The following EPS15 variants were observed in gnomAD, a reference collection of about 807,000 sequenced individuals.
The protein encoded by EPS15 is epidermal growth factor receptor pathway substrate 15, also known as epidermal growth factor receptor substrate 15.
Under a neutral mutation model 113.8 loss-of-function variants are expected in EPS15, and 72 were observed. That is an observed-to-expected ratio of 0.63 (90% CI 0.52 to 0.77). The LOEUF (loss-of-function observed/expected upper bound fraction) is 0.77. EPS15 is among the 30% of genes least tolerant of loss of function. EPS15 has a pLI of 0.00. For missense variants in EPS15, 1,048 were observed against 1,045.8 expected (o/e 1.00, Z -0.03); for synonymous variants, 344 against 363.4 (o/e 0.95, Z 0.61).
Position 51,447,154 on chromosome 1 carries a change from T to C in EPS15, c.652-49A>G. 2.0e-6 allele frequency: 3 copies of C among 1,519,442 alleles called. No individual in the cohort carries two copies. In the Admixed American group the frequency reaches 6.1e-5, roughly 31 times the overall value. The allele number at this position is 1,519,442 out of a possible 1,614,324, so 94.1% of individuals were successfully genotyped here. A position where few individuals can be genotyped will look rare whatever the true frequency, so the allele number is the denominator to read the frequency against. On this transcript the variant is annotated intron_variant, in intron 9 of 24. Coordinates refer to ENST00000371733, the MANE Select transcript of EPS15 (RefSeq NM_001981.3). ...ATTTCTGCCAAAATGAAACAAACTT[T>C]GAAGTGTCACTCTTTCAATCCATTA...
intron 21 of EPS15, among the ~76,000 whole-genome samples, chr1:51,380,765 T>A (rs866970452): frequency 4.0e-5 from 6 of 151,870 alleles, no homozygotes; most frequent in Admixed American, 6.6e-5. Flanking sequence ...AGAAAAAAAA[T>A]GCAAAACACA....
intron 8 of EPS15, chr1:51,458,699 T>G: frequency 3.3e-6 from 1 of 307,180 alleles, no homozygotes; most frequent in South Asian, 2.3e-5. Context: ...ATCCCGCCAC[T>G]GCACTCCAGC....
intron 21 of EPS15, among the ~76,000 whole-genome samples, chr1:51,391,734 A>T (rs1364362203): frequency 1.3e-5 from 2 of 152,178 alleles, no homozygotes; most frequent in Non-Finnish European, 2.9e-5. Context: ...AGTCAATAAG[A>T]TTTCCTGACA....
chr1:51,481,413 A>G (rs990864522), intron 1 of EPS15, 99 bp from the exon 2 acceptor site: 12 of 685,668 alleles, frequency 1.8e-5, no homozygotes, highest in Non-Finnish European at 3.2e-5. Flanking sequence ...AAAGATGAAT[A>G]AGATAAAATA....
At chr1:51,488,869 G>A (rs75168414) in intron 1 of EPS15, among the ~76,000 whole-genome samples, 6,504 of 152,204 alleles carry the variant, frequency 0.043, 210 homozygotes, top group Middle Eastern at 0.11. Flanking sequence ...GTCCAACTCC[G>A]AGGATGTGCA....
At chr1:51,518,496 A>C (rs1644768736) in intron 1 of EPS15, 1 of 152,970 alleles carries the variant, frequency 6.5e-6, no homozygotes, top group African/African-American at 2.4e-5. Flanking sequence ...GGGTGGCAAA[A>C]GGCTGCATTG....
chr1:51,358,995 C>T (rs573252587), intron 24 of EPS15, among the ~76,000 whole-genome samples: 12 of 152,078 alleles, frequency 7.9e-5, no homozygotes, highest in African/African-American at 2.2e-4. Flanking sequence ...TGAGCCACCC[C>T]GTCTGGCCCC....
At chr1:51,400,145 T>TG in intron 19 of EPS15, among the ~76,000 whole-genome samples, 1 of 152,318 alleles carries the variant, frequency 6.6e-6, no homozygotes, top group East Asian at 1.9e-4. Context: ...CAAAACTAAA[T>TG]GGTAAACAAG....
Position 51,355,219 on chromosome 1 carries a change from C to G in EPS15, c.*1481G>C, listed in dbSNP as rs1428028649. On this transcript the variant is annotated 3_prime_UTR_variant, in exon 25 of 25. Transcript: ENST00000371733. ...TGTAATGGAAAGAAAACAAAACAAG[C>G]ACCATTTCAAGAAGAAATGAATTGG... 1 of 219,918 alleles carries G rather than the reference C, an allele frequency of 4.5e-6. No individual in the cohort carries two copies. Among genetic ancestry groups the G allele is most frequent in the Admixed American group, 5.8e-5 (1 of 17,332 alleles). The allele number at this position is 219,918 out of a possible 1,614,324, so 13.6% of individuals were successfully genotyped here.
intron 1 of EPS15, chr1:51,490,321 T>C (rs1298619370): frequency 4.5e-6 from 2 of 443,998 alleles, no homozygotes; most frequent in South Asian, 1.6e-5. Context: ...ATCCCAGCAC[T>C]CTGGGCGGCC....
At chr1:51,382,351 G>A (rs1204805194) in intron 21 of EPS15, 1 of 151,960 alleles carries the variant, frequency 6.6e-6, no homozygotes. Context: ...GAAAGATACA[G>A]GGAAGGTTAG....
chr1:51,446,576 C>A (rs1006104316), intron 10 of EPS15, among the ~76,000 whole-genome samples: 3 of 151,932 alleles, frequency 2.0e-5, no homozygotes, highest in Admixed American at 2.0e-4. Context: ...GCCTCACCCT[C>A]CCGAGTAGCT....
chr1:51,391,668 T>C (rs563014568), intron 21 of EPS15, among the ~76,000 whole-genome samples: 1 of 151,940 alleles, frequency 6.6e-6, no homozygotes, highest in African/African-American at 2.4e-5. Flanking sequence ...TGATGAGATA[T>C]TGTTAGAAAA....
intron 5 of EPS15, among the ~76,000 whole-genome samples, chr1:51,466,859 G>C (rs1570367000): frequency 6.6e-6 from 1 of 151,830 alleles, no homozygotes; most frequent in Non-Finnish European, 1.5e-5. Context: ...GCAAGATTCT[G>C]TCTCTTCAAA....
rs1305496051 is a variant in EPS15 at position 51,451,984 on chromosome 1, C to A, written c.562-3849G>T. ...ACAACCTCCGTCTCCTGGGCTCAAGCCTTCCTCCCACCTCAGTCTCCCAAG... is the reference window on the plus strand; with the variant it reads ...ACAACCTCCGTCTCCTGGGCTCAAGACTTCCTCCCACCTCAGTCTCCCAAG... On this transcript the variant is annotated intron_variant, in intron 8 of 24. Coordinates refer to ENST00000371733, the MANE Select transcript of EPS15 (RefSeq NM_001981.3). Among the ~76,000 whole-genome samples, 178 of 151,976 alleles carry A rather than the reference C, an allele frequency of 1.2e-3. 2 individuals carry two copies. Among genetic ancestry groups the A allele is most frequent in the Non-Finnish European group, 4.4e-5 (3 of 68,002 alleles).
At chr1:51,477,268 T>C (rs958099222) in intron 2 of EPS15, among the ~76,000 whole-genome samples, 12 of 152,210 alleles carry the variant, frequency 7.9e-5, no homozygotes, top group African/African-American at 2.9e-4. Context: ...TCTCTGATGG[T>C]AGTTTGTATT....
At chr1:51,458,731 C>T (rs556937768) in intron 8 of EPS15, 13 of 204,036 alleles carry the variant, frequency 6.4e-5, no homozygotes, top group African/African-American at 1.9e-4. Flanking sequence ...AGTGAGACTC[C>T]GTCTAAAAAA....
chr1:51,470,387 G>A (rs1162664342), intron 4 of EPS15, among the ~76,000 whole-genome samples: 2 of 152,272 alleles, frequency 1.3e-5, no homozygotes, highest in Admixed American at 1.3e-4. Flanking sequence ...GCTCACGCCT[G>A]TAATCCCAGC....
chr1:51,516,891 G>C (rs1484148646), intron 1 of EPS15, among the ~76,000 whole-genome samples: 1 of 152,142 alleles, frequency 6.6e-6, no homozygotes, highest in Non-Finnish European at 1.5e-5. Context: ...GAGAAAGATG[G>C]ATTAAAAGAT....
Sources: allele counts gnomAD v4.1 joint callset (sites outside exome capture counted in the v4.1 genomes callset), GRCh38; gene constraint gnomAD v4.1.1; transcripts MANE v1.5; gene names NCBI Gene and HGNC (gene_info 2026-07-23, HGNC 2026-07-21).